DAB1: variants seen among roughly 807,000 people sequenced by gnomAD.
DAB1 encodes the protein disabled homolog 1.
Under a neutral mutation model 64.6 loss-of-function variants are expected in DAB1, and 15 were observed. The observed-to-expected ratio is 0.23, with a 90% CI of 0.16 to 0.36. The LOEUF is 0.36. DAB1 is among the 10% of genes least tolerant of loss of function. DAB1 has a pLI of 1.00. For missense variants in DAB1, 596 were observed against 706.7 expected (o/e 0.84, Z 1.78); for synonymous variants, 235 against 251.9 (o/e 0.93, Z 0.64).
intron 4 of DAB1, among the ~76,000 whole-genome samples, chr1:58,182,804 T>C (rs1656869963): frequency 6.6e-6 from 1 of 152,212 alleles, no homozygotes; most frequent in East Asian, 1.9e-4. Flanking sequence ...CCGTCAAATA[T>C]AGTATGTTTT....
rs986964183 is a variant in DAB1 at position 58,375,290 on chromosome 1, C to T, written n.258-31887G>A. Among the ~76,000 whole-genome samples the T allele has an allele frequency of 3.5e-3, 509 of 144,178 alleles. 10 individuals are homozygous for T. The highest frequency in any genetic ancestry group is 0.013 in the African/African-American group (484 of 38,230). The allele number at this position is 144,178 out of a possible 152,430, so 94.6% of individuals were successfully genotyped here. On this transcript the variant is annotated intron_variant and non_coding_transcript_variant, in intron 3 of 20. Coordinates refer to the DAB1 transcript ENST00000485760. ...TAAAGGGAATGCTTCCAGTTTTTGC[C>T]CATTCAGTATGATATTGGCTGTGGG... is the stretch of plus-strand genomic sequence containing the variant.
chr1:58,185,960 T>G (rs2100213884), intron 4 of DAB1, among the ~76,000 whole-genome samples: 1 of 152,322 alleles, frequency 6.6e-6, no homozygotes, highest in Middle Eastern at 3.4e-3. Context: ...GTACCCATTC[T>G]AATCTCCTTC....
At chr1:57,878,980 C>A (rs1318767903) in intron 1 of DAB1, among the ~76,000 whole-genome samples, 2 of 152,078 alleles carry the variant, frequency 1.3e-5, no homozygotes, top group Non-Finnish European at 2.9e-5. Context: ...CCAGGCGTAT[C>A]CATTTTCCTG....
intron 7 of DAB1, among the ~76,000 whole-genome samples, chr1:57,612,195 TTG>T (rs58605325): frequency 0.011 from 1,594 of 149,468 alleles, 22 homozygotes; most frequent in African/African-American, 0.036. Context: ...TGGCATGATC[TTG>T]TGTGTGTGTG....
intron 6 of DAB1, among the ~76,000 whole-genome samples, chr1:57,671,056 C>G (rs1646504814): frequency 1.3e-5 from 2 of 152,126 alleles, no homozygotes; most frequent in African/African-American, 2.4e-5. Flanking sequence ...CAGCACATGA[C>G]AAATTCAAGT....
chr1:58,341,731 T>C (rs559286816), intron 4 of DAB1, among the ~76,000 whole-genome samples: 1 of 152,282 alleles, frequency 6.6e-6, no homozygotes, highest in African/African-American at 2.4e-5. Flanking sequence ...CATGATATAC[T>C]GGAAAGGACT....
intron 4 of DAB1, among the ~76,000 whole-genome samples, chr1:58,173,340 T>G (rs1017923487): frequency 6.6e-6 from 1 of 152,110 alleles, no homozygotes; most frequent in Non-Finnish European, 1.5e-5. Context: ...CCCAAACAGC[T>G]CCATTCAGAT....
chr1:58,295,751 G>T (rs916414854), intron 4 of DAB1, among the ~76,000 whole-genome samples: 2 of 152,054 alleles, frequency 1.3e-5, no homozygotes, highest in African/African-American at 4.8e-5. Context: ...TTAAACACTG[G>T]AACGCAAGGG....
chr1:57,409,644 A>T (rs917375829), intron 1 of DAB1, among the ~76,000 whole-genome samples: 2 of 152,118 alleles, frequency 1.3e-5, no homozygotes, highest in Non-Finnish European at 2.9e-5. Flanking sequence ...CCCCATCTCT[A>T]CTAAAAATAC....
chr1:57,794,523 C>T (rs1650750771), intron 6 of DAB1, among the ~76,000 whole-genome samples: 1 of 152,158 alleles, frequency 6.6e-6, no homozygotes, highest in African/African-American at 2.4e-5. Context: ...AAGCCTCAGC[C>T]TTGGCACTCC....
chr1:58,485,414 T>A (rs1044518865), intron 3 of DAB1, among the ~76,000 whole-genome samples: 1 of 151,870 alleles, frequency 6.6e-6, no homozygotes, highest in Non-Finnish European at 1.5e-5. Context: ...TGAGCTAGGT[T>A]TCTTTAATTG....
intron 6 of DAB1, among the ~76,000 whole-genome samples, chr1:57,684,825 CCAGT>C (rs1218083295): frequency 5.3e-5 from 8 of 152,128 alleles, no homozygotes; most frequent in Non-Finnish European, 1.0e-4. Flanking sequence ...CATAGAGTGG[CCAGT>C]CAAAGAGACA....
At chr1:57,774,748 T>C (rs1212077014) in intron 6 of DAB1, among the ~76,000 whole-genome samples, 1 of 151,804 alleles carries the variant, frequency 6.6e-6, no homozygotes, top group East Asian at 1.9e-4. Flanking sequence ...GTGTTCTGGA[T>C]ATAAACTCTA....
At chr1:58,344,515 G>T (rs1049598940) in intron 3 of DAB1, among the ~76,000 whole-genome samples, 1 of 152,124 alleles carries the variant, frequency 6.6e-6, no homozygotes, top group Non-Finnish European at 1.5e-5. Context: ...AGAATAAAAA[G>T]AATGCAGACC....
chr1:58,320,299 T>A (rs1337819497), intron 4 of DAB1, among the ~76,000 whole-genome samples: 2 of 152,182 alleles, frequency 1.3e-5, no homozygotes, highest in Non-Finnish European at 2.9e-5. Flanking sequence ...GCATCAGCAG[T>A]ATGAGTGAGA....
intron 4 of DAB1, among the ~76,000 whole-genome samples, chr1:58,213,819 T>C (rs1300374115): frequency 6.6e-6 from 1 of 152,184 alleles, no homozygotes; most frequent in Non-Finnish European, 1.5e-5. Flanking sequence ...CATTCAACAA[T>C]ATTTATGTCT....
At position 57,955,869 on chromosome 1, in the gene DAB1, A is replaced by G. The variant is rs1645379992; in HGVS notation, n.388-71707T>C. 1.3e-5 allele frequency among the ~76,000 whole-genome samples: 2 copies of G among 152,196 alleles called. 1 individual carries two copies. Among genetic ancestry groups the G allele is most frequent in the South Asian group, 4.1e-4 (2 of 4,834 alleles). Reference sequence around the variant, plus strand: ...ACACAAATTAATATTTGCTAATTATATGGTATATACTGGTCTATATCAGTC... The same window carrying G: ...ACACAAATTAATATTTGCTAATTATGTGGTATATACTGGTCTATATCAGTC... On this transcript the variant is annotated intron_variant and non_coding_transcript_variant, in intron 5 of 20. Transcript: ENST00000485760.
At chr1:57,905,999 G>C (rs779390790) in intron 5 of DAB1, among the ~76,000 whole-genome samples, 1 of 152,094 alleles carries the variant, frequency 6.6e-6, no homozygotes, top group South Asian at 2.1e-4. Context: ...ACAGCATCTC[G>C]ACTGGGGCAC....
chr1:58,538,695 T>C lies in DAB1; in HGVS notation n.32+8008A>G. 7 of 576,214 alleles carry C rather than the reference T, an allele frequency of 1.2e-5. No individual in the cohort carries two copies. In the South Asian group the frequency reaches 2.2e-4, roughly 18 times the overall value. The allele number at this position is 576,214 out of a possible 1,614,324, so 35.7% of individuals were successfully genotyped here. A position where few individuals can be genotyped will look rare whatever the true frequency, so the allele number is the denominator to read the frequency against. On this transcript the variant is annotated intron_variant and non_coding_transcript_variant, in intron 1 of 20. Transcript: ENST00000485760. The stretch of plus-strand genomic sequence containing the variant: ...GCAAGGTTTCTTTAAAAGTACAGTT[T>C]TATAAATAAAAAAATTAATTTCTAA...
Sources: gnomAD v4.1 joint callset for allele counts (sites outside exome capture counted in the v4.1 genomes callset) on GRCh38, gnomAD v4.1.1 for gene constraint, MANE v1.5 for transcripts, NCBI Gene and HGNC (gene_info 2026-07-23, HGNC 2026-07-21) for gene names.